The following ACSM3 variants were observed in gnomAD, a reference collection of about 807,000 sequenced individuals.
ACSM3 encodes acyl-coenzyme A synthetase ACSM3, mitochondrial.
ACSM3 carries 61 observed loss-of-function variants against 74.1 expected under a neutral mutation model. That is an observed-to-expected ratio of 0.82 (90% CI 0.67 to 1.02). The LOEUF is 1.02. Among genes scored for constraint, ACSM3 ranks in the 50% least tolerant of loss-of-function variants. The pLI, the probability that ACSM3 is intolerant of heterozygous loss-of-function variation, is 0.00. For synonymous variants in ACSM3, 213 were observed against 241.5 expected, an observed-to-expected ratio of 0.88 and a Z score of 1.09; for missense variants, 660 against 697.0, an observed-to-expected ratio of 0.95 and a Z score of 0.60.
At chr16:20,682,202 A>G in intron 1 of ACSM3, 27 of 1,570,574 alleles carry the variant, frequency 1.7e-5, no homozygotes, top group Non-Finnish European at 2.4e-5. Flanking sequence ...TGATTCCTAA[A>G]TTATCCCACA....
At chr16:20,717,475 T>C (rs1853611855) in intron 1 of ACSM3, among the ~76,000 whole-genome samples, 1 of 152,314 alleles carries the variant, frequency 6.6e-6, no homozygotes. Flanking sequence ...CTGCTACAGA[T>C]GTCGAAGATA....
At chr16:20,707,955 C>T (rs1044218092) in intron 1 of ACSM3, among the ~76,000 whole-genome samples, 3 of 152,138 alleles carry the variant, frequency 2.0e-5, no homozygotes, top group Non-Finnish European at 4.4e-5. Context: ...CAGTGAGATG[C>T]AAGAAAACAC....
chr16:20,785,090 T>C lies in ACSM3; in HGVS notation c.1126T>C (p.Tyr376His), dbSNP rs1337484679. 6.2e-7 allele frequency: 1 copy of C among 1,613,346 alleles called. No homozygotes were observed. Among genetic ancestry groups the C allele is most frequent in the Admixed American group, 1.7e-5 (1 of 59,986 alleles). The change falls in exon 8 of 14, where the codon TAT becomes CAT. Residue 376 changes from tyrosine to histidine, a missense_variant. Physicochemically the swap from Tyr to His is moderately conservative, Grantham distance 83. Transcript: ENST00000289416. ...NKTGLDIYEG[Y>H]GQTETVLICG... ...GACGGGCCTGGATATCTACGAAGGA[T>C]ATGGACAGACTGAAACGGTACCTGA...
chr16:20,737,945 A>G, intron 1 of ACSM3: 3 of 1,591,492 alleles, frequency 1.9e-6, no homozygotes, highest in Non-Finnish European at 2.6e-6. Context: ...TGATGCACCA[A>G]TTTCTCAGGC....
intron 1 of ACSM3, among the ~76,000 whole-genome samples, chr16:20,730,855 T>C (rs1305838719): frequency 3.9e-5 from 6 of 152,110 alleles, no homozygotes; most frequent in Non-Finnish European, 8.8e-5. Flanking sequence ...GAGTTTTTTG[T>C]TTCATTTTGT....
chr16:20,777,642 T>C (rs1043103252), intron 4 of ACSM3, 62 bp downstream of exon 4: 5 of 1,435,274 alleles, frequency 3.5e-6, no homozygotes, highest in South Asian at 1.2e-5. Flanking sequence ...TAAAAAGATA[T>C]TAAACCCAGC....
chr16:20,733,321 G>A (rs1380658427), intron 1 of ACSM3, among the ~76,000 whole-genome samples: 5 of 151,832 alleles, frequency 3.3e-5, no homozygotes, highest in Non-Finnish European at 7.4e-5. Context: ...TATCCTAAAT[G>A]TTCAAGACAA....
intron 12 of ACSM3, 119 bp downstream of exon 12, chr16:20,792,454 G>T (rs564189607): frequency 6.5e-7 from 1 of 1,541,352 alleles, no homozygotes. Context: ...ATGCAAGTCA[G>T]ATAGAAATAT....
intron 1 of ACSM3, chr16:20,691,284 T>G (rs374117492): frequency 2.8e-6 from 3 of 1,081,198 alleles, no homozygotes. Context: ...TCCAAAACTT[T>G]CTCCCTAAAT....
In ACSM3 at chr16:20,792,287, A is replaced by G; in HGVS notation, c.1506A>G (p.Ser502=). ...AAAATGCCCTGAATGAACACCCTTCAGTTGCAGAGTCAGCTGTTGTCAGCA... is the reference window on the plus strand; with the variant it reads ...AAAATGCCCTGAATGAACACCCTTCGGTTGCAGAGTCAGCTGTTGTCAGCA... ...EVENALNEHP[S]VAESAVVSSP... The change falls in exon 12 of 14, where the codon TCA becomes TCG. Residue 502 remains serine, a synonymous_variant. Transcript: ENST00000289416. 6.2e-7 allele frequency: 1 copy of G among 1,614,136 alleles called. No individual in the cohort carries two copies. The highest frequency in any genetic ancestry group is 8.5e-7 in the Non-Finnish European group (1 of 1,179,972).
At chr16:20,760,066 G>C (rs1014005309), upstream of ACSM3, among the ~76,000 whole-genome samples, 3 of 152,020 alleles carry the variant, frequency 2.0e-5, no homozygotes, top group African/African-American at 4.8e-5. Flanking sequence ...AAGCACAACT[G>C]ACCAACATTA....
At chr16:20,774,504 GT>G (rs2080231860) in intron 2 of ACSM3, among the ~76,000 whole-genome samples, 1 of 152,208 alleles carries the variant, frequency 6.6e-6, no homozygotes, top group African/African-American at 2.4e-5. Flanking sequence ...GCCTCCCAAA[GT>G]GCTGGGATTA....
intron 1 of ACSM3, chr16:20,741,481 G>GGGGGGGGGGGGGGCCCCCCCC: frequency 1.5e-6 from 2 of 1,308,408 alleles, no homozygotes; most frequent in African/African-American, 1.5e-5. Flanking sequence ...CTGGCAGCCG[G>GGGGGGGGGGGGGGCCCCCCCC]CCCGCCCGCC....
intron 1 of ACSM3, chr16:20,741,369 A>T: frequency 9.2e-7 from 1 of 1,091,190 alleles, no homozygotes; most frequent in South Asian, 1.7e-5. Context: ...AGGGACGGAA[A>T]CGCCGGCGAG....
At chr16:20,773,004 GGT>G (rs1276510525) in intron 2 of ACSM3, among the ~76,000 whole-genome samples, 5 of 151,234 alleles carry the variant, frequency 3.3e-5, no homozygotes, top group Non-Finnish European at 5.9e-5. Flanking sequence ...TAGTTCTTAT[GGT>G]AGAATTCAGC....
intron 4 of ACSM3, 56 bp from the exon 5 acceptor site, chr16:20,780,658 G>A: frequency 6.2e-7 from 1 of 1,614,114 alleles, no homozygotes. Context: ...TTTTTCAGTG[G>A]TAACAGTCTG....
intron 1 of ACSM3, among the ~76,000 whole-genome samples, chr16:20,704,556 T>A (rs1316650497): frequency 6.6e-6 from 1 of 152,226 alleles, no homozygotes; most frequent in Non-Finnish European, 1.5e-5. Flanking sequence ...GTAAATGCTC[T>A]GAGGCAGAAT....
chr16:20,785,165 C>T, intron 8 of ACSM3, 58 bp downstream of exon 8: 1 of 1,597,702 alleles, frequency 6.3e-7, no homozygotes, highest in Non-Finnish European at 8.5e-7. Flanking sequence ...TGAATAAAAA[C>T]CAAAGTGTCC....
At chr16:20,760,703 A>C (rs1041963902), upstream of ACSM3, among the ~76,000 whole-genome samples, 3 of 152,178 alleles carry the variant, frequency 2.0e-5, no homozygotes, top group Non-Finnish European at 2.9e-5. Context: ...CTTTTAACTT[A>C]AGTATAACTC....
Sources: gnomAD v4.1 joint callset for allele counts (sites outside exome capture counted in the v4.1 genomes callset) on GRCh38, gnomAD v4.1.1 for gene constraint, MANE v1.5 for transcripts, NCBI Gene and HGNC (gene_info 2026-07-23, HGNC 2026-07-21) for gene names.